Variants in LAMA2 observed in about 807,000 individuals in gnomAD.
LAMA2 encodes laminin subunit alpha 2, also known as laminin subunit alpha-2.
In LAMA2, 269 loss-of-function variants were observed where a neutral mutation model predicts 364.8. The ratio of observed to expected loss-of-function variants is 0.74; its 90% CI spans 0.67 to 0.82. The LOEUF (loss-of-function observed/expected upper bound fraction) is 0.82, where lower values mean the gene tolerates loss of function less well. Ranked by LOEUF, LAMA2 falls within the 40% of genes least tolerant of loss-of-function variation. LAMA2 has a pLI of 0.00. For missense variants in LAMA2, 3,807 were observed against 3,873.2 expected (o/e 0.98, Z 0.45); for synonymous variants, 1,379 against 1,370.6 (o/e 1.01, Z -0.14).
At chr6:129,144,573 T>C (rs1450767086) in intron 5 of LAMA2, among the ~76,000 whole-genome samples, 2 of 151,938 alleles carry the variant, frequency 1.3e-5, no homozygotes. Context: ...CCAGTGATCT[T>C]GTGGAAATAT....
chr6:129,185,987 T>C (rs1781204961), intron 10 of LAMA2, among the ~76,000 whole-genome samples: 1 of 151,698 alleles, frequency 6.6e-6, no homozygotes, highest in South Asian at 2.1e-4. Context: ...TAGGCTGTAG[T>C]GTGAAAATTA....
At chr6:128,960,465 C>T (rs970256795) in intron 1 of LAMA2, among the ~76,000 whole-genome samples, 3 of 148,162 alleles carry the variant, frequency 2.0e-5, no homozygotes, top group Non-Finnish European at 4.4e-5. Context: ...TGGCCCCACC[C>T]CGCCCCCGCC....
rs1583875504 is a variant in LAMA2 at position 129,492,024 on chromosome 6, C to T, written c.8022C>T (p.Leu2674=). 1.9e-6 allele frequency: 3 copies of T among 1,614,116 alleles called. No individual in the cohort carries two copies. The highest frequency in any genetic ancestry group is 2.5e-6 in the Non-Finnish European group (3 of 1,179,972). The change falls in exon 57 of 65, where the codon CTC becomes CTT. Residue 2674 remains leucine, a synonymous_variant. Transcript: ENST00000421865. ...GAPPEFQPSP[L]RNIPPFEGCI... Reference sequence around the variant, plus strand: ...CACCTGAATTTCAACCTTCCCCACTCAGAAATATTCCTCCTTTTGAAGGCT... The same window carrying T: ...CACCTGAATTTCAACCTTCCCCACTTAGAAATATTCCTCCTTTTGAAGGCT...
At chr6:129,274,110 GT>G (rs1562403127) in intron 17 of LAMA2, among the ~76,000 whole-genome samples, 1 of 151,106 alleles carries the variant, frequency 6.6e-6, no homozygotes, top group Admixed American at 6.6e-5. Flanking sequence ...TTGTGAGAGG[GT>G]TATAATGTCT....
chr6:129,407,496 G>T (rs983081578), intron 40 of LAMA2, among the ~76,000 whole-genome samples: 4 of 152,142 alleles, frequency 2.6e-5, no homozygotes, highest in Admixed American at 1.3e-4. Flanking sequence ...AAAGGAAAAA[G>T]AAAGCAAATG....
At chr6:129,149,126 T>G in intron 7 of LAMA2, 30 bp downstream of exon 7, 1 of 1,302,354 alleles carries the variant, frequency 7.7e-7, no homozygotes, top group Non-Finnish European at 1.1e-6. Flanking sequence ...ACAAAATATG[T>G]CATTCTTCCT....
intron 12 of LAMA2, among the ~76,000 whole-genome samples, chr6:129,198,496 G>A (rs538742068): frequency 2.0e-5 from 3 of 152,182 alleles, no homozygotes; most frequent in Non-Finnish European, 4.4e-5. Context: ...GAAAGGGAAC[G>A]ACAAAGATAT....
At chr6:128,924,286 T>C (rs1778946678) in intron 1 of LAMA2, among the ~76,000 whole-genome samples, 1 of 152,160 alleles carries the variant, frequency 6.6e-6, no homozygotes, top group Non-Finnish European at 1.5e-5. Context: ...ATTAACATGG[T>C]GTTATATTTG....
chr6:128,896,570 T>G (rs1776790827), intron 1 of LAMA2, among the ~76,000 whole-genome samples: 1 of 152,228 alleles, frequency 6.6e-6, no homozygotes. Flanking sequence ...CTCTTTATTC[T>G]CTTTCTCAAG....
intron 40 of LAMA2, among the ~76,000 whole-genome samples, chr6:129,410,988 G>A (rs1408833155): frequency 6.6e-6 from 1 of 152,074 alleles, no homozygotes; most frequent in Admixed American, 6.5e-5. Flanking sequence ...GAAAAGAAGG[G>A]AAGGAATTCC....
At position 129,403,979 on chromosome 6, in the gene LAMA2, T is replaced by C; in HGVS notation, c.5865+20T>C. On this transcript the variant is annotated intron_variant, in intron 40 of 64. Transcript: ENST00000421865. ...AAACTGGTAAGAAACAAATGGCACA[T>C]GTGCTGGGAATGGAAGTCAACCTTT... is the stretch of plus-strand genomic sequence containing the variant. 6.2e-7 allele frequency: 1 copy of C among 1,613,564 alleles called. No individual in the cohort carries two copies.
chr6:129,195,756 A>T (rs141462095), intron 12 of LAMA2, among the ~76,000 whole-genome samples: 1 of 152,348 alleles, frequency 6.6e-6, no homozygotes, highest in East Asian at 1.9e-4. Flanking sequence ...TTAAGCAACT[A>T]GGCAGCAGTG....
intron 2 of LAMA2, among the ~76,000 whole-genome samples, chr6:129,058,242 C>T (rs1788621699): frequency 6.6e-6 from 1 of 152,192 alleles, no homozygotes; most frequent in Non-Finnish European, 1.5e-5. Flanking sequence ...TAGACAAGAA[C>T]CAATGACTGG....
chr6:129,023,990 C>T (rs960218704), intron 1 of LAMA2, among the ~76,000 whole-genome samples: 5 of 152,090 alleles, frequency 3.3e-5, no homozygotes, highest in African/African-American at 1.2e-4. Context: ...AGACTGAATG[C>T]TCCTAAGCTA....
intron 54 of LAMA2, 137 bp from the exon 55 acceptor site, chr6:129,481,126 T>G (rs1415908262): frequency 2.8e-6 from 2 of 710,504 alleles, no homozygotes; most frequent in Admixed American, 2.2e-5. Flanking sequence ...TCTTAAACTT[T>G]CCATGTTTTC....
chr6:129,052,205 G>A (rs1171854122), intron 2 of LAMA2, among the ~76,000 whole-genome samples: 1 of 148,798 alleles, frequency 6.7e-6, no homozygotes, highest in African/African-American at 2.5e-5. Flanking sequence ...GCGCGATCTC[G>A]GCTCACTGCA....
chr6:129,224,487 A>C (rs1355305639), intron 12 of LAMA2, among the ~76,000 whole-genome samples: 1 of 152,142 alleles, frequency 6.6e-6, no homozygotes, highest in East Asian at 1.9e-4. Context: ...TGGGTTTGTC[A>C]TAGATAGCTC....
chr6:128,928,476 A>T (rs1461057992), intron 1 of LAMA2, among the ~76,000 whole-genome samples: 1 of 152,206 alleles, frequency 6.6e-6, no homozygotes, highest in Non-Finnish European at 1.5e-5. Context: ...GATGAAACTA[A>T]ATCCAAAGGT....
intron 3 of LAMA2, among the ~76,000 whole-genome samples, chr6:129,078,370 A>G (rs1303516233): frequency 2.0e-5 from 3 of 152,098 alleles, no homozygotes; most frequent in Admixed American, 6.6e-5. Flanking sequence ...CCTGACCTTA[A>G]GTGGTCTGCC....
Sources: allele counts gnomAD v4.1 joint callset (sites outside exome capture counted in the v4.1 genomes callset), GRCh38; gene constraint gnomAD v4.1.1; transcripts MANE v1.5; gene names NCBI Gene and HGNC (gene_info 2026-07-23, HGNC 2026-07-21).